The following KCNQ1 variants were observed in gnomAD, a reference collection of about 807,000 sequenced individuals.
KCNQ1 encodes the protein potassium voltage-gated channel subfamily KQT member 1.
Under a neutral mutation model 72.4 loss-of-function variants are expected in KCNQ1, and 49 were observed. The ratio of observed to expected loss-of-function variants is 0.68; its 90% confidence interval spans 0.54 to 0.86. KCNQ1 has a LOEUF of 0.86. KCNQ1 is among the 40% of genes least tolerant of loss of function. KCNQ1 has a pLI of 0.00. For missense variants in KCNQ1, 790 were observed against 945.1 expected (o/e 0.84, Z 2.15); for synonymous variants, 450 against 412.6 (o/e 1.09, Z -1.10).
rs1024574742 is a variant in KCNQ1, at chr11:2,526,974, C to T, written c.387-954C>T. On this transcript the variant is annotated intron_variant, in intron 1 of 15. Coordinates refer to ENST00000155840, the MANE Select transcript of KCNQ1 (RefSeq NM_000218.3). The surrounding 1 kb of genome is among the most constrained non-coding windows in gnomAD (Gnocchi z 6.1). ...TGGCTCTCCGGTCGCTGAGGATCCA[C>T]GGGGGTCCCTGGAGTCTCCGGAGCC... Among the ~76,000 whole-genome samples, 16 of 152,094 alleles carry T rather than the reference C, an allele frequency of 1.1e-4. No homozygotes were observed. The East Asian group carries it at 1.4e-3, about 13-fold the overall frequency.
At position 2,704,646 on chromosome 11, in the gene KCNQ1, A is replaced by T. The variant is rs1448794850; in HGVS notation, c.1514+42565A>T. ...GAAGAGAGGCAGCAGGGTGAGGGGGAAGACTACGGGGGACTTGCCGTCACC... is the reference window on the plus strand; with the variant it reads ...GAAGAGAGGCAGCAGGGTGAGGGGGTAGACTACGGGGGACTTGCCGTCACC... On this transcript the variant is annotated intron_variant, in intron 11 of 15. Coordinates refer to ENST00000155840, the MANE Select transcript of KCNQ1 (RefSeq NM_000218.3). This position sits in a 1 kb window ranked among gnomAD's most constrained non-coding sequence, Gnocchi z 4.3. Among the ~76,000 whole-genome samples the T allele has an allele frequency of 6.6e-6, 1 of 152,084 alleles. No individual in the cohort carries two copies. The highest frequency in any genetic ancestry group is 1.5e-5 in the Non-Finnish European group (1 of 68,012).
chr11:2,829,827 A>G (rs546067126), intron 15 of KCNQ1, among the ~76,000 whole-genome samples: 2 of 151,824 alleles, frequency 1.3e-5, no homozygotes, highest in East Asian at 3.9e-4. Flanking sequence ...GCGCCCAGGG[A>G]AGGCTGTTTA....
rs1850503404 is a variant in KCNQ1 at position 2,687,133 on chromosome 11, G to A, written c.1514+25052G>A. The A allele has an allele frequency of 1.3e-5, 5 of 398,526 alleles. No homozygotes were observed. Among genetic ancestry groups the A allele is most frequent in the South Asian group, 2.5e-4 (2 of 7,860 alleles). 24.7% of individuals were successfully genotyped at this position (398,526 alleles called of 1,614,324 possible). A position where few individuals can be genotyped will look rare whatever the true frequency, so the allele number is the denominator to read the frequency against. On this transcript the variant is annotated intron_variant, in intron 11 of 15. Coordinates refer to ENST00000155840, the MANE Select transcript of KCNQ1 (RefSeq NM_000218.3). The surrounding 1 kb of genome is among the most constrained non-coding windows in gnomAD (Gnocchi z 5.0). ...TGACACACAAACTGCACAGGGAGGG[G>A]AGGAATCTGAGCCAGCTTCCTCCAC...
At position 2,593,447 on chromosome 11, in the gene KCNQ1, C is replaced by T. The variant is rs1425778658; in HGVS notation, c.1393+4593C>T. ...GTCTGTGACGTAGGATCGGGCAGCA[C>T]GCACCTTTCCACCTGGCCTGGAGGT... is the stretch of plus-strand genomic sequence containing the variant. On this transcript the variant is annotated intron_variant, in intron 10 of 15. Coordinates refer to ENST00000155840, the MANE Select transcript of KCNQ1 (RefSeq NM_000218.3). The surrounding 1 kb of genome is among the most constrained non-coding windows in gnomAD (Gnocchi z 6.9). 6.6e-6 allele frequency among the ~76,000 whole-genome samples: 1 copy of T among 152,186 alleles called. No individual in the cohort carries two copies. The highest frequency in any genetic ancestry group is 2.1e-4 in the South Asian group (1 of 4,824).
intron 10 of KCNQ1, among the ~76,000 whole-genome samples, chr11:2,606,720 A>T (rs1407811765): frequency 1.3e-5 from 2 of 152,022 alleles, no homozygotes; most frequent in Admixed American, 1.3e-4. Context: ...TGTCATCTCC[A>T]AATAGTTCTA....
chr11:2,639,115 C>T (rs1416581481), intron 10 of KCNQ1: 1 of 152,194 alleles, frequency 6.6e-6, no homozygotes, highest in African/African-American at 2.4e-5. Context: ...AGCCATTCGT[C>T]TAATCTTTTT....
Position 2,620,590 on chromosome 11 carries a change from C to T in KCNQ1, c.1393+31736C>T. The T allele has an allele frequency of 5.0e-6, 2 of 397,394 alleles. No individual in the cohort carries two copies. 24.6% of individuals were successfully genotyped at this position (397,394 alleles called of 1,614,324 possible). On this transcript the variant is annotated intron_variant, in intron 10 of 15. Transcript: ENST00000155840. This position sits in a 1 kb window ranked among gnomAD's most constrained non-coding sequence, Gnocchi z 4.5. The stretch of plus-strand genomic sequence containing the variant: ...CACATTTTCTTTATCCAATCCACCA[C>T]TGATGGGCATCTAAGTGGATTCCAT...
rs1007783945 is a variant in KCNQ1 at position 2,803,347 on chromosome 11, G to A, written c.1794+25310G>A. Among the ~76,000 whole-genome samples, 4 of 152,228 alleles carry A rather than the reference G, an allele frequency of 2.6e-5. No homozygotes were observed. Among genetic ancestry groups the A allele is most frequent in the Non-Finnish European group, 4.4e-5 (3 of 68,026 alleles). ...AGCCTGGACGGTGGCAGGACTCGGC[G>A]AGGTGGGGATGGGGCTTGGAGGATG... On this transcript the variant is annotated intron_variant, in intron 15 of 15. Coordinates refer to ENST00000155840, the MANE Select transcript of KCNQ1 (RefSeq NM_000218.3). This position sits in a 1 kb window ranked among gnomAD's most constrained non-coding sequence, Gnocchi z 6.4.
At chr11:2,504,326 G>C (rs184646720) in intron 1 of KCNQ1, among the ~76,000 whole-genome samples, 2 of 152,180 alleles carry the variant, frequency 1.3e-5, no homozygotes, top group East Asian at 3.9e-4. Flanking sequence ...CCAGAGGCTG[G>C]GAAGGGTAGT....
intron 1 of KCNQ1, among the ~76,000 whole-genome samples, chr11:2,454,342 C>CTT (rs939353124): frequency 6.6e-6 from 1 of 152,056 alleles, no homozygotes; most frequent in Admixed American, 6.6e-5. Flanking sequence ...TTCGTAATCG[C>CTT]TTGGTGAAAA....
At chr11:2,584,357 G>A (rs1285144270) in intron 7 of KCNQ1, among the ~76,000 whole-genome samples, 1 of 151,976 alleles carries the variant, frequency 6.6e-6, no homozygotes, top group African/African-American at 2.4e-5. Flanking sequence ...GTTAGTGTAT[G>A]TTTTAGTGTA....
Position 2,750,822 on chromosome 11 carries a change from G to A in KCNQ1, c.1515-18022G>A, listed in dbSNP as rs1846214724. 2.6e-5 allele frequency among the ~76,000 whole-genome samples: 4 copies of A among 152,070 alleles called. No individual in the cohort carries two copies. The highest frequency in any genetic ancestry group is 2.1e-4 in the South Asian group (1 of 4,822). Reference sequence around the variant, plus strand: ...TTCTTTCTCCGGCATGCTGGAAGCCGGCCAACTCGCCAGTTCCATTAACTT... The same window carrying A: ...TTCTTTCTCCGGCATGCTGGAAGCCAGCCAACTCGCCAGTTCCATTAACTT... On this transcript the variant is annotated intron_variant, in intron 11 of 15. Transcript: ENST00000155840. This position sits in a 1 kb window ranked among gnomAD's most constrained non-coding sequence, Gnocchi z 6.3.
chr11:2,551,773 G>A (rs1353260276), intron 2 of KCNQ1, among the ~76,000 whole-genome samples: 3 of 152,212 alleles, frequency 2.0e-5, no homozygotes, highest in Admixed American at 6.5e-5. Flanking sequence ...AGTATTGTCT[G>A]CTTTTTAAGC....
chr11:2,780,062 C>T (rs951503548), intron 15 of KCNQ1, among the ~76,000 whole-genome samples: 1 of 152,172 alleles, frequency 6.6e-6, no homozygotes, highest in Non-Finnish European at 1.5e-5. Flanking sequence ...CCATTACATT[C>T]GAGTCCTCTG....
Position 2,612,998 on chromosome 11 carries a change from G to T in KCNQ1, c.1393+24144G>T, listed in dbSNP as rs1589981520. 2.5e-6 allele frequency: 1 copy of T among 398,520 alleles called. No individual in the cohort carries two copies. The highest frequency in any genetic ancestry group is 4.4e-6 in the Non-Finnish European group (1 of 226,076). 24.7% of individuals were successfully genotyped at this position (398,520 alleles called of 1,614,324 possible). A position where few individuals can be genotyped will look rare whatever the true frequency, so the allele number is the denominator to read the frequency against. On this transcript the variant is annotated intron_variant, in intron 10 of 15. Coordinates refer to ENST00000155840, the MANE Select transcript of KCNQ1 (RefSeq NM_000218.3). This position sits in a 1 kb window ranked among gnomAD's most constrained non-coding sequence, Gnocchi z 5.5. ...GCCACTGGTGTCTTTGCTCAGTTTT[G>T]TTTGTTTTAATTCTTATGTTTGTTT...
At chr11:2,684,508 T>C in intron 11 of KCNQ1, 1 of 398,658 alleles carries the variant, frequency 2.5e-6, no homozygotes, top group Non-Finnish European at 4.4e-6. Context: ...ATTCCTCCTA[T>C]TCCACTGTTA....
At chr11:2,485,212 C>T (rs1048634342) in intron 1 of KCNQ1, among the ~76,000 whole-genome samples, 1 of 152,000 alleles carries the variant, frequency 6.6e-6, no homozygotes, top group Non-Finnish European at 1.5e-5. Context: ...TTTGGGTGTC[C>T]CCCGATTCTG....
intron 15 of KCNQ1, among the ~76,000 whole-genome samples, chr11:2,843,022 G>A (rs1431426614): frequency 3.3e-5 from 5 of 152,246 alleles, no homozygotes; most frequent in Non-Finnish European, 5.9e-5. Flanking sequence ...CTGCCTGCAC[G>A]CTCCCGTGAG....
chr11:2,707,849 A>G (rs1850936892), intron 11 of KCNQ1, among the ~76,000 whole-genome samples: 1 of 152,236 alleles, frequency 6.6e-6, no homozygotes, highest in African/African-American at 2.4e-5. Context: ...TGAGGGACAC[A>G]GCCCCTGTTT....
Sources: gnomAD v4.1 joint callset for allele counts (sites outside exome capture counted in the v4.1 genomes callset) on GRCh38, gnomAD v4.1.1 for gene constraint, Gnocchi (gnomAD v3.1) non-coding constraint, MANE v1.5 for transcripts, NCBI Gene and HGNC (gene_info 2026-07-23, HGNC 2026-07-21) for gene names.